ABI3BP: variants seen among roughly 807,000 people sequenced by gnomAD.
ABI3BP encodes ABI family member 3 binding protein.
ABI3BP carries 216 observed loss-of-function variants against 268.6 expected under a neutral mutation model. The ratio of observed to expected loss-of-function variants is 0.80; its 90% CI spans 0.72 to 0.90. The LOEUF (loss-of-function observed/expected upper bound fraction) is 0.90. Among genes scored for constraint, ABI3BP ranks in the 40% least tolerant of loss-of-function variants. ABI3BP has a pLI of 0.00. For synonymous variants in ABI3BP, 730 were observed against 730.0 expected, an observed-to-expected ratio of 1.00 and a Z score of 0.00; for missense variants, 2,090 against 2,182.4, an observed-to-expected ratio of 0.96 and a Z score of 0.84.
chr3:100,892,251 G>T (rs1274558653), intron 4 of ABI3BP, among the ~76,000 whole-genome samples: 1 of 152,142 alleles, frequency 6.6e-6, no homozygotes, highest in Admixed American at 6.5e-5. Flanking sequence ...CTGGAGGGAG[G>T]CATCTCAAGG....
chr3:100,753,883 T>C lies in ABI3BP; in HGVS notation c.4931-35A>G, dbSNP rs749640977. The C allele has an allele frequency of 8.8e-6, 14 of 1,593,404 alleles. No individual in the cohort carries two copies. In the East Asian group the frequency reaches 2.5e-4, roughly 28 times the overall value. ...AATAAATAGAAAAGTCAGACCTTAC[T>C]AGGTAAAACCCCAACATTCCAGTGG... On this transcript the variant is annotated intron_variant, in intron 64 of 67. Transcript: ENST00000471714.
intron 1 of ABI3BP, among the ~76,000 whole-genome samples, chr3:100,975,532 G>A (rs1481261477): frequency 1.3e-5 from 2 of 152,092 alleles, no homozygotes; most frequent in Non-Finnish European, 2.9e-5. Context: ...CTGTTGGGAC[G>A]ATGCTTTTAG....
intron 1 of ABI3BP, among the ~76,000 whole-genome samples, chr3:100,929,028 C>T (rs531043319): frequency 1.3e-5 from 2 of 152,188 alleles, no homozygotes; most frequent in African/African-American, 4.8e-5. Context: ...TTACTTCACC[C>T]TGCTCAATAG....
intron 1 of ABI3BP, among the ~76,000 whole-genome samples, chr3:100,970,067 T>G (rs1215365615): frequency 1.3e-5 from 2 of 152,164 alleles, no homozygotes; most frequent in African/African-American, 4.8e-5. Flanking sequence ...TTCCTCTAAC[T>G]TCTTGCTGCA....
chr3:100,962,537 C>T (rs1481665785), intron 1 of ABI3BP, among the ~76,000 whole-genome samples: 2 of 152,136 alleles, frequency 1.3e-5, no homozygotes, highest in Admixed American at 6.5e-5. Context: ...CCTTCTACTT[C>T]CTTCTCTCTT....
At chr3:100,970,131 T>C (rs2082935419) in intron 1 of ABI3BP, among the ~76,000 whole-genome samples, 1 of 152,282 alleles carries the variant, frequency 6.6e-6, no homozygotes, top group African/African-American at 2.4e-5. Context: ...GTCTCTGTTA[T>C]ATTGTTAAAA....
chr3:100,785,652 C>T (rs182527710), intron 57 of ABI3BP, among the ~76,000 whole-genome samples: 1 of 152,282 alleles, frequency 6.6e-6, no homozygotes, highest in South Asian at 2.1e-4. Flanking sequence ...GCTGTACTCT[C>T]CATCTTAGGA....
chr3:100,900,775 C>T (rs886332144), intron 3 of ABI3BP, among the ~76,000 whole-genome samples: 16 of 152,146 alleles, frequency 1.1e-4, no homozygotes, highest in African/African-American at 3.6e-4. Context: ...ATTATATCCG[C>T]TATCCAAAAA....
Position 100,821,143 on chromosome 3 carries a change from G to T in ABI3BP, c.2888-30C>A, listed in dbSNP as rs975346959. 3.3e-6 allele frequency: 5 copies of T among 1,522,186 alleles called. No homozygotes were observed. In the Admixed American group the frequency reaches 9.8e-5, roughly 30 times the overall value. The allele number at this position is 1,522,186 out of a possible 1,614,324, so 94.3% of individuals were successfully genotyped here. ...TCAAAAGCATTAAAATTAACCAAATGATTATTTTAAATGAATGTAAACTCA... is the reference window on the plus strand; with the variant it reads ...TCAAAAGCATTAAAATTAACCAAATTATTATTTTAAATGAATGTAAACTCA... On this transcript the variant is annotated intron_variant, in intron 38 of 67. Transcript: ENST00000471714.
chr3:100,814,796 A>T (rs2097970011), intron 44 of ABI3BP, among the ~76,000 whole-genome samples: 1 of 152,130 alleles, frequency 6.6e-6, no homozygotes, highest in Non-Finnish European at 1.5e-5. Flanking sequence ...AGATGAATGA[A>T]ATGGAATAAG....
intron 56 of ABI3BP, among the ~76,000 whole-genome samples, chr3:100,788,912 G>A (rs1479864242): frequency 6.6e-6 from 1 of 152,064 alleles, no homozygotes; most frequent in Non-Finnish European, 1.5e-5. Flanking sequence ...ACCCCTGCAA[G>A]TTAACTTTTT....
chr3:100,766,438 C>G (rs1257946334), intron 62 of ABI3BP, among the ~76,000 whole-genome samples: 1 of 152,234 alleles, frequency 6.6e-6, no homozygotes, highest in Admixed American at 6.5e-5. Context: ...TTGAGCATCA[C>G]AGCACCAAAT....
chr3:100,902,898 T>C (rs183402402), intron 2 of ABI3BP, among the ~76,000 whole-genome samples: 11 of 152,144 alleles, frequency 7.2e-5, no homozygotes, highest in African/African-American at 2.7e-4. Context: ...CCAAACCAAA[T>C]GGGCAAGGGT....
At chr3:100,985,729 C>CTT (rs1159437377) in intron 1 of ABI3BP, among the ~76,000 whole-genome samples, 12 of 152,170 alleles carry the variant, frequency 7.9e-5, no homozygotes, top group Non-Finnish European at 1.5e-4. Flanking sequence ...ACTTGGTACT[C>CTT]TTAAGATATT....
At chr3:100,837,871 C>T (rs1163156180) in intron 26 of ABI3BP, among the ~76,000 whole-genome samples, 1 of 152,142 alleles carries the variant, frequency 6.6e-6, no homozygotes, top group African/African-American at 2.4e-5. Flanking sequence ...ACAGTGTCAG[C>T]CTTCTGTGTG....
At chr3:100,947,221 T>A (rs1219523845) in intron 1 of ABI3BP, among the ~76,000 whole-genome samples, 1 of 152,170 alleles carries the variant, frequency 6.6e-6, no homozygotes, top group Non-Finnish European at 1.5e-5. Flanking sequence ...GCTATTAATG[T>A]CGTATTTGAG....
intron 6 of ABI3BP, among the ~76,000 whole-genome samples, chr3:100,882,123 G>A (rs2039597682): frequency 6.6e-6 from 1 of 152,056 alleles, no homozygotes; most frequent in African/African-American, 2.4e-5. Flanking sequence ...TGCTTCTAAG[G>A]TTTCAGGTGT....
chr3:100,885,565 G>A lies in ABI3BP; in HGVS notation c.667C>T (p.Gln223Ter). The change falls in exon 6 of 68, where the codon CAA becomes TAA. Residue 223 changes from glutamine (Q) to a stop codon, truncating the protein, a stop_gained. Coordinates refer to ENST00000471714, the MANE Select transcript of ABI3BP (RefSeq NM_001375547.2). LOFTEE classifies it high-confidence loss of function. ...VGSKKVNGKI[Q>*]STYDQDHTVP... is the part of the protein sequence containing the mutation. The stretch of plus-strand genomic sequence containing the variant: ...GTGTGGTCTTGGTCATAGGTACTTT[G>A]GATTTTCCCATTTACTTTTTTACCT... The A allele has an allele frequency of 6.4e-7, 1 of 1,559,476 alleles. No individual in the cohort carries two copies. The highest frequency in any genetic ancestry group is 2.3e-5 in the East Asian group (1 of 43,484).
chr3:100,846,046 C>A (rs1220633691), intron 20 of ABI3BP, among the ~76,000 whole-genome samples: 1 of 152,048 alleles, frequency 6.6e-6, no homozygotes, highest in Non-Finnish European at 1.5e-5. Context: ...CCCTTTCCAG[C>A]TGAAAGGCTA....
Sources: allele counts gnomAD v4.1 joint callset (sites outside exome capture counted in the v4.1 genomes callset), GRCh38; gene constraint gnomAD v4.1.1; transcripts MANE v1.5; gene names NCBI Gene and HGNC (gene_info 2026-07-23, HGNC 2026-07-21).